The following CEP57 variants were observed in gnomAD, a reference collection of about 807,000 sequenced individuals.
CEP57 encodes the protein centrosomal protein 57, also known as centrosomal protein of 57 kDa.
Under a neutral mutation model 68.0 loss-of-function variants are expected in CEP57, and 40 were observed. The ratio of observed to expected loss-of-function variants is 0.59; its 90% CI spans 0.46 to 0.77. The LOEUF is 0.77. Among genes scored for constraint, CEP57 ranks in the 30% least tolerant of loss-of-function variants. The pLI is 0.00. For missense variants in CEP57, 606 were observed against 580.7 expected, an observed-to-expected ratio of 1.04 and a Z score of -0.45; for synonymous variants, 219 against 198.7, an observed-to-expected ratio of 1.10 and a Z score of -0.86.
In CEP57 at chr11:95,790,592, G is replaced by C. The variant is rs1591036052; in HGVS notation, c.-107G>C. The stretch of plus-strand genomic sequence containing the variant: ...CAGCACCCTTGCCCTTTTCCATCAG[G>C]GGTTCAGCCTAGGGTCCCCGCTGGT... On this transcript the variant is annotated 5_prime_UTR_variant, in exon 1 of 11. Transcript: ENST00000325542. 2.9e-6 allele frequency: 4 copies of C among 1,362,180 alleles called. No individual in the cohort carries two copies. Among genetic ancestry groups the C allele is most frequent in the East Asian group, 5.0e-5 (2 of 40,370 alleles). 84.4% of individuals were successfully genotyped at this position (1,362,180 alleles called of 1,614,324 possible). A position where few individuals can be genotyped will look rare whatever the true frequency, so the allele number is the denominator to read the frequency against.
chr11:95,794,329 A>G (rs188725131), intron 1 of CEP57: 133 of 456,022 alleles, frequency 2.9e-4, no homozygotes, highest in African/African-American at 2.4e-3. Context: ...CGTTCAGCAA[A>G]TATAACTGAA....
intron 8 of CEP57, among the ~76,000 whole-genome samples, chr11:95,824,115 G>A (rs1321248676): frequency 6.0e-5 from 9 of 150,470 alleles, no homozygotes; most frequent in Non-Finnish European, 1.2e-4. Context: ...GCATGTTGGC[G>A]TGCACCTGTG....
intron 2 of CEP57, among the ~76,000 whole-genome samples, chr11:95,800,383 C>CT (rs376975372): frequency 0.029 from 4,316 of 147,100 alleles, 169 homozygotes; most frequent in African/African-American, 0.099. Context: ...TCTCATGTTT[C>CT]TTTTTTTTTT....
intron 1 of CEP57, chr11:95,794,272 A>G (rs1384031123): frequency 6.6e-6 from 3 of 455,716 alleles, no homozygotes; most frequent in Non-Finnish European, 1.3e-5. Context: ...TGGAATATGT[A>G]CTGTGACTCA....
intron 2 of CEP57, among the ~76,000 whole-genome samples, chr11:95,805,894 C>T (rs1327243124): frequency 6.6e-6 from 1 of 151,926 alleles, no homozygotes; most frequent in Admixed American, 6.6e-5. Flanking sequence ...GTTTTTCTTT[C>T]AATACAAAAA....
At chr11:95,801,971 C>T (rs904681217) in intron 2 of CEP57, among the ~76,000 whole-genome samples, 4 of 152,044 alleles carry the variant, frequency 2.6e-5, no homozygotes, top group African/African-American at 2.4e-5. Context: ...TTTAATCCAA[C>T]GATACTTACT....
At position 95,798,191 on chromosome 11, in the gene CEP57, C is replaced by T. The variant is rs1861428137; in HGVS notation, c.46-1041C>T. ...GCTCTTTGTCCCCACTTTTGATTGT[C>T]ATAGCCATAGTGTGTTTTATATTTA... On this transcript the variant is annotated intron_variant, in intron 1 of 10. Transcript: ENST00000325542. Among the ~76,000 whole-genome samples, 3 of 152,156 alleles carry T rather than the reference C, an allele frequency of 2.0e-5. No homozygotes were observed. The South Asian group carries it at 6.2e-4, about 31-fold the overall frequency.
chr11:95,790,339 C>T (rs1391647234), upstream of CEP57: 1 of 401,052 alleles, frequency 2.5e-6, no homozygotes, highest in East Asian at 5.0e-5. Flanking sequence ...CGTAGAATCC[C>T]CGCAGAGCCG....
At chr11:95,806,724 G>A (rs940998835) in intron 2 of CEP57, among the ~76,000 whole-genome samples, 2 of 152,200 alleles carry the variant, frequency 1.3e-5, no homozygotes, top group African/African-American at 2.4e-5. Flanking sequence ...CGGTCTGGAA[G>A]CTCAAACTGG....
chr11:95,823,397 A>G (rs990860023), intron 8 of CEP57, among the ~76,000 whole-genome samples: 3 of 152,108 alleles, frequency 2.0e-5, no homozygotes, highest in Non-Finnish European at 2.9e-5. Flanking sequence ...GTATCTTGGA[A>G]AATTTTTTGG....
intron 8 of CEP57, among the ~76,000 whole-genome samples, chr11:95,825,044 C>T (rs1053731844): frequency 1.3e-5 from 2 of 152,192 alleles, no homozygotes; most frequent in African/African-American, 4.8e-5. Flanking sequence ...GGAAGTTCAA[C>T]ACCAAAGGCA....
At chr11:95,809,476 G>A (rs573835978) in intron 2 of CEP57, among the ~76,000 whole-genome samples, 13 of 152,228 alleles carry the variant, frequency 8.5e-5, no homozygotes, top group South Asian at 6.2e-4. Context: ...GAAGTAAAGC[G>A]AGAAGAATCA....
intron 6 of CEP57, among the ~76,000 whole-genome samples, chr11:95,820,329 C>T (rs1354641816): frequency 6.6e-6 from 1 of 151,970 alleles, no homozygotes; most frequent in Non-Finnish European, 1.5e-5. Context: ...TATAACTATT[C>T]AGAGTCTGGA....
intron 8 of CEP57, chr11:95,825,728 C>T (rs1003197794): frequency 1.8e-4 from 27 of 152,082 alleles, no homozygotes; most frequent in Non-Finnish European, 2.4e-4. Context: ...TCCCAAGTAC[C>T]TGGACAACAG....
At chr11:95,811,749 A>G (rs568453593) in intron 2 of CEP57, among the ~76,000 whole-genome samples, 54 of 152,292 alleles carry the variant, frequency 3.5e-4, no homozygotes, top group Non-Finnish European at 7.4e-4. Flanking sequence ...AGCCAATAAC[A>G]TATATGAAAA....
intron 2 of CEP57, among the ~76,000 whole-genome samples, chr11:95,802,639 C>T (rs1861630851): frequency 1.3e-5 from 2 of 152,026 alleles, no homozygotes; most frequent in African/African-American, 2.4e-5. Flanking sequence ...GAATACAATG[C>T]CTAAAATAGT....
intron 1 of CEP57, among the ~76,000 whole-genome samples, chr11:95,791,291 G>C (rs1861060521): frequency 6.6e-6 from 1 of 152,136 alleles, no homozygotes; most frequent in Non-Finnish European, 1.5e-5. Flanking sequence ...CTGTCACCTA[G>C]AATTACTGGA....
intron 8 of CEP57, chr11:95,826,392 C>T (rs910674380): frequency 4.6e-5 from 7 of 152,058 alleles, no homozygotes; most frequent in African/African-American, 1.7e-4. Context: ...ATGATCAGAA[C>T]CCATGGACAC....
chr11:95,827,564 C>T, intron 8 of CEP57: 2 of 539,274 alleles, frequency 3.7e-6, no homozygotes, highest in Non-Finnish European at 3.3e-6. Flanking sequence ...TAGGTTGCAG[C>T]TCAATGATGT....
Sources: gnomAD v4.1 joint callset for allele counts (sites outside exome capture counted in the v4.1 genomes callset) on GRCh38, gnomAD v4.1.1 for gene constraint, MANE v1.5 for transcripts, NCBI Gene and HGNC (gene_info 2026-07-23, HGNC 2026-07-21) for gene names.